SMYD3: variants seen among roughly 807,000 people sequenced by gnomAD.
SMYD3 encodes histone-lysine N-methyltransferase SMYD3.
In SMYD3, 36 loss-of-function variants were observed where a neutral mutation model predicts 57.7. The observed-to-expected ratio is 0.62, with a 90% CI of 0.48 to 0.82. The LOEUF (loss-of-function observed/expected upper bound fraction) is 0.82. Ranked by LOEUF, SMYD3 falls within the 40% of genes least tolerant of loss-of-function variation. SMYD3 has a pLI of 0.00. For missense variants in SMYD3, 515 were observed against 538.8 expected, an observed-to-expected ratio of 0.96 and a Z score of 0.44; for synonymous variants, 211 against 195.0, an observed-to-expected ratio of 1.08 and a Z score of -0.68.
intron 5 of SMYD3, among the ~76,000 whole-genome samples, chr1:246,323,154 C>T (rs2065277846): frequency 6.6e-6 from 1 of 152,174 alleles, no homozygotes; most frequent in Non-Finnish European, 1.5e-5. Flanking sequence ...TTCCTCCTTC[C>T]TATGGCTCAT....
chr1:246,229,996 G>A (rs889011103), intron 5 of SMYD3, among the ~76,000 whole-genome samples: 1 of 152,142 alleles, frequency 6.6e-6, no homozygotes, highest in Non-Finnish European at 1.5e-5. Context: ...TTTTCCAAGT[G>A]TTAAGCAGGT....
intron 5 of SMYD3, among the ~76,000 whole-genome samples, chr1:245,983,141 A>ATAT (rs2058634313): frequency 6.6e-6 from 1 of 152,170 alleles, no homozygotes; most frequent in East Asian, 1.9e-4. Flanking sequence ...CACAGAGACA[A>ATAT]GATGCCTCAT....
intron 5 of SMYD3, among the ~76,000 whole-genome samples, chr1:246,131,993 C>T (rs1276529391): frequency 6.6e-6 from 1 of 151,942 alleles, no homozygotes; most frequent in Non-Finnish European, 1.5e-5. Flanking sequence ...TGCAACACAC[C>T]CAAACAGTAT....
At chr1:246,090,926 A>T (rs375981270) in intron 5 of SMYD3, among the ~76,000 whole-genome samples, 1 of 152,146 alleles carries the variant, frequency 6.6e-6, no homozygotes, top group African/African-American at 2.4e-5. Flanking sequence ...ACCCCAGACA[A>T]CGTAGCCACT....
At chr1:246,022,616 T>C (rs12080754) in intron 5 of SMYD3, among the ~76,000 whole-genome samples, 8,310 of 152,282 alleles carry the variant, frequency 0.055, 295 homozygotes, top group African/African-American at 0.094. Context: ...TTTAAAAAGA[T>C]AGGGCTGTAT....
chr1:245,915,104 C>T (rs1400116742), intron 8 of SMYD3, among the ~76,000 whole-genome samples: 9 of 152,024 alleles, frequency 5.9e-5, no homozygotes, highest in Non-Finnish European at 1.3e-4. Flanking sequence ...GTAAATTGTA[C>T]CTCAACAAAC....
At chr1:246,323,224 G>C (rs1455586792) in intron 5 of SMYD3, among the ~76,000 whole-genome samples, 1 of 152,170 alleles carries the variant, frequency 6.6e-6, no homozygotes, top group Non-Finnish European at 1.5e-5. Flanking sequence ...TATCTATATA[G>C]AAAACTCCAC....
At chr1:245,994,501 C>T (rs530713767) in intron 5 of SMYD3, among the ~76,000 whole-genome samples, 14 of 152,230 alleles carry the variant, frequency 9.2e-5, no homozygotes, top group Admixed American at 2.0e-4. Context: ...ACTTTGGATG[C>T]CCTCACCCTC....
chr1:246,299,040 C>T (rs901696801), intron 5 of SMYD3, among the ~76,000 whole-genome samples: 4 of 152,070 alleles, frequency 2.6e-5, no homozygotes, highest in Non-Finnish European at 5.9e-5. Flanking sequence ...TATATTAGAG[C>T]ACAACCTGGC....
At chr1:245,797,045 C>T (rs527887027) in intron 10 of SMYD3, among the ~76,000 whole-genome samples, 48 of 152,228 alleles carry the variant, frequency 3.2e-4, no homozygotes, top group African/African-American at 1.0e-3. Context: ...GAAATTGCTT[C>T]TTTGGTAGTG....
Position 246,501,100 on chromosome 1 carries a change from T to C in SMYD3, c.164+5954A>G, listed in dbSNP as rs568821749. ...TGCTCTTTGAAATGATTTTGCTAGT[T>C]GCTTGACCTTCAGGGCCTCCAAGGA... is the stretch of plus-strand genomic sequence containing the variant. On this transcript the variant is annotated intron_variant, in intron 1 of 11. Coordinates refer to ENST00000490107, the MANE Select transcript of SMYD3 (RefSeq NM_001167740.2). 1.4e-4 allele frequency among the ~76,000 whole-genome samples: 22 copies of C among 152,342 alleles called. No homozygotes were observed. The South Asian group carries it at 4.1e-3, about 29-fold the overall frequency.
intron 2 of SMYD3, among the ~76,000 whole-genome samples, chr1:246,343,075 G>A (rs1419171719): frequency 6.6e-6 from 1 of 152,124 alleles, no homozygotes. Context: ...CATCAGAGTT[G>A]AACACATACG....
chr1:246,497,697 T>A (rs6657580), intron 1 of SMYD3, among the ~76,000 whole-genome samples: 13,530 of 150,634 alleles, frequency 0.09, 637 homozygotes, highest in Middle Eastern at 0.21. Flanking sequence ...TAAAAAAAAA[T>A]TTTCTTTTAA....
Position 245,749,556 on chromosome 1 carries a change from C to T in SMYD3, c.*7G>A, listed in dbSNP as rs187243888. The T allele has an allele frequency of 2.3e-4, 371 of 1,610,206 alleles. 4 individuals are homozygous for T. The African/African-American group carries it at 4.4e-3, about 19-fold the overall frequency. On this transcript the variant is annotated 3_prime_UTR_variant, in exon 12 of 12. Coordinates refer to ENST00000490107, the MANE Select transcript of SMYD3 (RefSeq NM_001167740.2). The stretch of plus-strand genomic sequence containing the variant: ...CACACGCCGTATTTCCCTCTGACTG[C>T]GTTCCCTTAGGATGCTCTGATGTTG...
chr1:246,002,255 G>A (rs1426766176), intron 5 of SMYD3, among the ~76,000 whole-genome samples: 2 of 140,414 alleles, frequency 1.4e-5, no homozygotes, highest in Non-Finnish European at 3.1e-5. Context: ...CGCGATCTCG[G>A]CTCACTGCAA....
At chr1:246,174,979 T>C (rs557306013) in intron 5 of SMYD3, among the ~76,000 whole-genome samples, 1 of 152,224 alleles carries the variant, frequency 6.6e-6, no homozygotes, top group East Asian at 1.9e-4. Flanking sequence ...TTAATGAGAG[T>C]GTGGGTTACA....
intron 5 of SMYD3, among the ~76,000 whole-genome samples, chr1:246,271,047 T>C (rs942812674): frequency 2.0e-5 from 3 of 152,240 alleles, no homozygotes; most frequent in African/African-American, 7.2e-5. Flanking sequence ...TAGTTTTGAT[T>C]TGCATTTCCG....
chr1:246,002,952 C>T (rs1384110730), intron 5 of SMYD3, among the ~76,000 whole-genome samples: 99 of 152,282 alleles, frequency 6.5e-4, no homozygotes, highest in Non-Finnish European at 4.4e-5. Context: ...ATTCTTCGGC[C>T]TCACTGCATG....
At chr1:245,855,023 G>A (rs2148466359) in intron 10 of SMYD3, among the ~76,000 whole-genome samples, 1 of 152,300 alleles carries the variant, frequency 6.6e-6, no homozygotes, top group Admixed American at 6.5e-5. Context: ...AACATTTCCA[G>A]AAGGAAACTT....
Sources: allele counts gnomAD v4.1 joint callset (sites outside exome capture counted in the v4.1 genomes callset), GRCh38; gene constraint gnomAD v4.1.1; transcripts MANE v1.5; gene names NCBI Gene and HGNC (gene_info 2026-07-23, HGNC 2026-07-21).